ZIM2: variants seen among roughly 807,000 people sequenced by gnomAD.
ZIM2 encodes the protein zinc finger imprinted 2.
In ZIM2, 14 loss-of-function variants were observed where a neutral mutation model predicts 38.6. The observed-to-expected ratio is 0.36, with a 90% CI of 0.24 to 0.57. ZIM2 has a LOEUF of 0.57. ZIM2 is among the 20% of genes least tolerant of loss of function. ZIM2 has a pLI of 0.81. For synonymous variants in ZIM2, 247 were observed against 245.8 expected, an observed-to-expected ratio of 1.00 and a Z score of -0.04; for missense variants, 680 against 695.1, an observed-to-expected ratio of 0.98 and a Z score of 0.24.
rs748656565 is a variant in ZIM2, at chr19:56,775,444, G to A, written c.921C>T (p.Thr307=). ...TGCCATAGCTTCTTTCCGGAGTGAG[G>A]GTCTTGGGGTCATTCATTGTTATAG... ...LTPITMNDPK[T]LTPERSYGSD... Residue 307 remains threonine, a synonymous_variant, in exon 13 of 13, where the codon ACC becomes ACT. Transcript: ENST00000629319. 3.1e-5 allele frequency: 50 copies of A among 1,613,856 alleles called. No individual in the cohort carries two copies. Among genetic ancestry groups the A allele is most frequent in the African/African-American group, 4.0e-5 (3 of 74,838 alleles).
At position 56,810,345 on chromosome 19, in the gene ZIM2, T is replaced by C. The variant is rs1025434941; in HGVS notation, c.490+7401A>G. ...ACCAAAACACTAGAATGATGACCTT[T>C]CAAGGAAACCGAAACAAAATAACCA... On this transcript the variant is annotated intron_variant, in intron 9 of 12. Transcript: ENST00000629319. 71 of 985,244 alleles carry C rather than the reference T, an allele frequency of 7.2e-5. No homozygotes were observed. In the African/African-American group the frequency reaches 1.2e-3, roughly 16 times the overall value. The allele number at this position is 985,244 out of a possible 1,614,324, so 61.0% of individuals were successfully genotyped here.
At chr19:56,823,846 C>T (rs1381392131) in intron 4 of ZIM2, among the ~76,000 whole-genome samples, 167 bp from the exon 5 acceptor site, 1 of 152,172 alleles carries the variant, frequency 6.6e-6, no homozygotes, top group Non-Finnish European at 1.5e-5. Context: ...CCACTCCTGG[C>T]ATACTAAAAA....
chr19:56,782,547 CAAA>C, intron 10 of ZIM2: 1 of 432,114 alleles, frequency 2.3e-6, no homozygotes, highest in Non-Finnish European at 4.6e-6. Flanking sequence ...ATCAAAATGA[CAAA>C]ATACCATTTT....
At chr19:56,817,626 G>C (rs746148935) in intron 9 of ZIM2, 120 bp downstream of exon 9, 1 of 1,534,770 alleles carries the variant, frequency 6.5e-7, no homozygotes, top group Admixed American at 1.7e-5. Context: ...CCCATAAGAA[G>C]GACAGTGGGA....
intron 9 of ZIM2, among the ~76,000 whole-genome samples, chr19:56,792,579 T>C (rs2145928750): frequency 6.7e-6 from 1 of 149,760 alleles, no homozygotes; most frequent in South Asian, 2.1e-4. Flanking sequence ...ATACTACATG[T>C]TTCCGCCTTT....
At position 56,832,896 on chromosome 19, in the gene ZIM2, T is replaced by C. The variant is rs1197135048; in HGVS notation, c.-227+3122A>G. Among the ~76,000 whole-genome samples the C allele has an allele frequency of 2.6e-5, 4 of 152,218 alleles. No individual in the cohort carries two copies. In the East Asian group the frequency reaches 7.7e-4, roughly 29 times the overall value. Reference sequence around the variant, plus strand: ...TGGATGGTGGTACTGATGCCATTCTTTGGATATTTTATGACACTTTACTTC... The same window carrying C: ...TGGATGGTGGTACTGATGCCATTCTCTGGATATTTTATGACACTTTACTTC... On this transcript the variant is annotated intron_variant, in intron 2 of 12. Transcript: ENST00000629319.
chr19:56,783,538 C>T (rs749673084), intron 10 of ZIM2, among the ~76,000 whole-genome samples: 6 of 152,158 alleles, frequency 3.9e-5, no homozygotes, highest in South Asian at 2.1e-4. Context: ...TCAGATGCAA[C>T]GGGAAACCAT....
Position 56,774,796 on chromosome 19 carries a change from C to T in ZIM2, c.1569G>A (p.Arg523=). The T allele has an allele frequency of 6.2e-7, 1 of 1,614,140 alleles. No individual in the cohort carries two copies. Among genetic ancestry groups the T allele is most frequent in the Non-Finnish European group, 8.5e-7 (1 of 1,180,034 alleles). Reference sequence around the variant, plus strand: ...TCCCACATAGCTGACACTGGTAAGGCCTCTCTTGAGTGTGAGTTCTATAAT... The same window carrying T: ...TCCCACATAGCTGACACTGGTAAGGTCTCTCTTGAGTGTGAGTTCTATAAT... The part of the protein sequence containing the change: ...IQHYRTHTQE[R]PYQCQLCGKC... The change falls in exon 13 of 13, where the codon AGG becomes AGA. Residue 523 remains arginine, a synonymous_variant. Coordinates refer to ENST00000629319, the MANE Select transcript of ZIM2 (RefSeq NM_001387356.1).
intron 2 of ZIM2, among the ~76,000 whole-genome samples, chr19:56,834,585 T>C (rs1205873690): frequency 2.0e-5 from 3 of 152,196 alleles, no homozygotes; most frequent in South Asian, 2.1e-4. Flanking sequence ...TCAAGTCACA[T>C]GTCAGTACGG....
chr19:56,824,598 G>C, intron 3 of ZIM2, 171 bp from the exon 4 acceptor site: 1 of 1,613,060 alleles, frequency 6.2e-7, no homozygotes, highest in Non-Finnish European at 8.5e-7. Context: ...AGCTCATACA[G>C]ATTTGGGGCC....
chr19:56,836,712 T>C (rs1388431617), intron 1 of ZIM2, among the ~76,000 whole-genome samples: 2 of 152,202 alleles, frequency 1.3e-5, no homozygotes, highest in Non-Finnish European at 2.9e-5. Flanking sequence ...CTCGCGCCTG[T>C]AATCCCAGCA....
At chr19:56,810,753 T>C in intron 9 of ZIM2, 6 of 984,194 alleles carry the variant, frequency 6.1e-6, no homozygotes, top group Non-Finnish European at 7.2e-6. Flanking sequence ...CACAAGCGTG[T>C]GCACTGAAAC....
chr19:56,799,189 G>C (rs2047375912), intron 9 of ZIM2: 1 of 152,010 alleles, frequency 6.6e-6, no homozygotes, highest in South Asian at 2.1e-4. Flanking sequence ...CAAAAACATG[G>C]AATCAACCTA....
At chr19:56,830,615 T>C (rs1395443010) in intron 2 of ZIM2, among the ~76,000 whole-genome samples, 1 of 152,170 alleles carries the variant, frequency 6.6e-6, no homozygotes, top group Non-Finnish European at 1.5e-5. Flanking sequence ...AAGAAAAGTA[T>C]AAATATGGGG....
intron 7 of ZIM2, among the ~76,000 whole-genome samples, chr19:56,819,683 TG>T (rs1482566324): frequency 6.6e-6 from 1 of 152,134 alleles, no homozygotes. Context: ...ACCTGTAAAA[TG>T]GGGAGAAGAG....
At chr19:56,839,274 A>C (rs573423392) in intron 1 of ZIM2, among the ~76,000 whole-genome samples, 5 of 136,618 alleles carry the variant, frequency 3.7e-5, no homozygotes, top group African/African-American at 5.6e-5. Context: ...CAAACATGGC[A>C]TCTAGGTGGG....
At chr19:56,783,494 G>A (rs1394941290) in intron 10 of ZIM2, among the ~76,000 whole-genome samples, 1 of 152,144 alleles carries the variant, frequency 6.6e-6, no homozygotes, top group East Asian at 1.9e-4. Context: ...ACAAAATCGT[G>A]TCCTCTGCAG....
At chr19:56,815,415 G>A in intron 9 of ZIM2, 1 of 1,614,150 alleles carries the variant, frequency 6.2e-7, no homozygotes, top group Admixed American at 1.7e-5. Context: ...TAGGGGCCAA[G>A]CTGCGAATGA....
At chr19:56,818,971 GA>G (rs2060229442) in intron 7 of ZIM2, among the ~76,000 whole-genome samples, 2 of 152,180 alleles carry the variant, frequency 1.3e-5, no homozygotes, top group African/African-American at 4.8e-5. Context: ...AAAGACTCAT[GA>G]AACAATTAGA....
Sources: gnomAD v4.1 joint callset for allele counts (sites outside exome capture counted in the v4.1 genomes callset) on GRCh38, gnomAD v4.1.1 for gene constraint, MANE v1.5 for transcripts, NCBI Gene and HGNC (gene_info 2026-07-23, HGNC 2026-07-21) for gene names.